UBE2QL1: variants seen among roughly 807,000 people sequenced by gnomAD.
UBE2QL1 encodes the protein ubiquitin-conjugating enzyme E2Q-like protein 1.
Under a neutral mutation model 12.6 loss-of-function variants are expected in UBE2QL1, and 5 were observed. That is an observed-to-expected ratio of 0.40 (90% CI 0.21 to 0.83). The LOEUF is 0.83. Among genes scored for constraint, UBE2QL1 ranks in the 40% least tolerant of loss-of-function variants. The probability of loss-of-function intolerance (pLI) is 0.37; values close to 1 mark genes in which losing one functional copy is unlikely to be tolerated. For synonymous variants in UBE2QL1, 96 were observed against 94.5 expected (o/e 1.02, Z -0.10); for missense variants, 99 against 222.6 (o/e 0.44, Z 3.53).
At position 6,475,850 on chromosome 5, in the gene UBE2QL1, T is replaced by G. The variant is rs693093; in HGVS notation, c.355-15368T>G. 1.8e-3 allele frequency among the ~76,000 whole-genome samples: 279 copies of G among 152,070 alleles called. 1 individual carries two copies. The highest frequency in any genetic ancestry group is 6.4e-3 in the African/African-American group (267 of 41,406). ...GACCCCGCCCACAAGAGACAAGCCC[T>G]GCCCCTGTGGAGCAAGCTGGAGAAC... On this transcript the variant is annotated intron_variant, in intron 1 of 1. Transcript: ENST00000399816.
At position 6,461,603 on chromosome 5, in the gene UBE2QL1, C is replaced by A. The variant is rs368642145; in HGVS notation, c.354+12356C>A. The stretch of plus-strand genomic sequence containing the variant: ...TATTATCCTTTATGTGGAAATGGAG[C>A]CTGCAATGATATCTAAATCAGTTCC... On this transcript the variant is annotated intron_variant, in intron 1 of 1. Transcript: ENST00000399816. 9.4e-5 allele frequency among the ~76,000 whole-genome samples: 13 copies of A among 138,578 alleles called. No individual in the cohort carries two copies. The East Asian group carries it at 2.4e-3, about 26-fold the overall frequency. The allele number at this position is 138,578 out of a possible 152,430, so 90.9% of individuals were successfully genotyped here. A position where few individuals can be genotyped will look rare whatever the true frequency, so the allele number is the denominator to read the frequency against.
intron 1 of UBE2QL1, among the ~76,000 whole-genome samples, chr5:6,488,789 G>A: frequency 7.0e-6 from 1 of 142,962 alleles, no homozygotes. Flanking sequence ...GGATGACAGA[G>A]TGAGACTCTG....
intron 1 of UBE2QL1, among the ~76,000 whole-genome samples, chr5:6,490,352 A>G (rs1454237293): frequency 6.6e-6 from 1 of 152,210 alleles, no homozygotes; most frequent in East Asian, 1.9e-4. Flanking sequence ...TCACATGGGC[A>G]GTGTTGCCTG....
chr5:6,455,861 C>G (rs868320646), intron 1 of UBE2QL1, among the ~76,000 whole-genome samples: 2 of 152,304 alleles, frequency 1.3e-5, no homozygotes, highest in South Asian at 4.2e-4. Context: ...TAGGTCAACC[C>G]TGACTCAGCG....
intron 1 of UBE2QL1, among the ~76,000 whole-genome samples, chr5:6,485,831 T>C (rs934174792): frequency 6.6e-6 from 1 of 152,230 alleles, no homozygotes; most frequent in Admixed American, 6.5e-5. Context: ...CAAGTAAGTA[T>C]AGAATTAATG....
chr5:6,484,241 G>A (rs6876009), intron 1 of UBE2QL1, among the ~76,000 whole-genome samples: 14,688 of 152,190 alleles, frequency 0.097, 860 homozygotes, highest in African/African-American at 0.16. Context: ...GCGTCGGAGG[G>A]GCAGCGAGCA....
rs577806257 is a variant in UBE2QL1, at chr5:6,493,171, C to T, written c.*1822C>T. On this transcript the variant is annotated 3_prime_UTR_variant, in exon 2 of 2. Transcript: ENST00000399816. ...GTGAAACTTGATGACAGTGAACTTA[C>T]GATGTTCATTCATCCAACCCTCTAT... The T allele has an allele frequency of 6.6e-6, 1 of 152,174 alleles. No individual in the cohort carries two copies. 9.4% of individuals were successfully genotyped at this position (152,174 alleles called of 1,614,324 possible). A position where few individuals can be genotyped will look rare whatever the true frequency, so the allele number is the denominator to read the frequency against.
chr5:6,480,455 T>C (rs957749968), intron 1 of UBE2QL1, among the ~76,000 whole-genome samples: 1 of 152,208 alleles, frequency 6.6e-6, no homozygotes, highest in African/African-American at 2.4e-5. Flanking sequence ...TATCTGTCAC[T>C]TACCTGTCTT....
intron 1 of UBE2QL1, among the ~76,000 whole-genome samples, chr5:6,488,786 A>G (rs1734512292): frequency 6.8e-6 from 1 of 147,834 alleles, no homozygotes; most frequent in Non-Finnish European, 1.5e-5. Flanking sequence ...GATGGATGAC[A>G]GAGTGAGACT....
At chr5:6,480,255 T>C (rs1405596456) in intron 1 of UBE2QL1, among the ~76,000 whole-genome samples, 2 of 152,214 alleles carry the variant, frequency 1.3e-5, no homozygotes, top group Non-Finnish European at 2.9e-5. Context: ...GCTGAGTGAC[T>C]CCAAGCACCT....
chr5:6,481,521 G>A lies in UBE2QL1; in HGVS notation c.355-9697G>A, dbSNP rs1321759716. Among the ~76,000 whole-genome samples, 1 of 152,194 alleles carries A rather than the reference G, an allele frequency of 6.6e-6. No individual in the cohort carries two copies. Reference sequence around the variant, plus strand: ...AGAACCACATCATTTAGGTTCCCTGGTGTGAGCTCCCACCACTATACCCAG... The same window carrying A: ...AGAACCACATCATTTAGGTTCCCTGATGTGAGCTCCCACCACTATACCCAG... On this transcript the variant is annotated intron_variant, in intron 1 of 1. Transcript: ENST00000399816. This position sits in a 1 kb window ranked among gnomAD's most constrained non-coding sequence, Gnocchi z 4.5.
At position 6,449,079 on chromosome 5, in the gene UBE2QL1, C is replaced by G; in HGVS notation, c.186C>G (p.Phe62Leu). 1.3e-6 allele frequency: 2 copies of G among 1,548,320 alleles called. No homozygotes were observed. The highest frequency in any genetic ancestry group is 1.7e-6 in the Non-Finnish European group (2 of 1,145,536). The change falls in exon 1 of 2, where the codon TTC (phenylalanine) becomes TTG (leucine). Residue 62 changes from phenylalanine (F) to leucine (L), a missense_variant. Coordinates refer to ENST00000399816, the MANE Select transcript of UBE2QL1 (RefSeq NM_001145161.3). ...ILLNLTFPDN[F>L]PFSPPFMRVL... is the part of the protein sequence containing the mutation. ...TCAACCTCACCTTCCCCGACAACTT[C>G]CCCTTCTCGCCGCCCTTCATGCGGG...
intron 1 of UBE2QL1, among the ~76,000 whole-genome samples, chr5:6,469,587 TAC>T (rs961602484): frequency 1.3e-5 from 2 of 148,664 alleles, no homozygotes; most frequent in African/African-American, 2.5e-5. Context: ...TGTATATATA[TAC>T]ACACACACAC....
At chr5:6,455,117 C>A (rs903175600) in intron 1 of UBE2QL1, among the ~76,000 whole-genome samples, 1 of 152,114 alleles carries the variant, frequency 6.6e-6, no homozygotes, top group Non-Finnish European at 1.5e-5. Context: ...TTTTTGTATA[C>A]TTTTCTGATT....
rs1383664081 is a variant in UBE2QL1 at position 6,493,791 on chromosome 5, C to T, written c.*2442C>T. The T allele has an allele frequency of 1.3e-5, 2 of 152,340 alleles. No individual in the cohort carries two copies. The highest frequency in any genetic ancestry group is 4.8e-5 in the African/African-American group (2 of 41,556). The allele number at this position is 152,340 out of a possible 1,614,324, so 9.4% of individuals were successfully genotyped here. On this transcript the variant is annotated 3_prime_UTR_variant, in exon 2 of 2. Transcript: ENST00000399816. ...CTTTCTGGTAGACTCCCTTCGTAGG[C>T]AAGCACGGTGGTGCCCAGCCATGGA... is the stretch of plus-strand genomic sequence containing the variant.
chr5:6,452,807 G>A (rs564616788), intron 1 of UBE2QL1, among the ~76,000 whole-genome samples: 10 of 152,300 alleles, frequency 6.6e-5, no homozygotes, highest in African/African-American at 1.4e-4. Flanking sequence ...GGCTTGGAGC[G>A]TGGGACGATG....
chr5:6,453,547 TG>T (rs1396882392), intron 1 of UBE2QL1, among the ~76,000 whole-genome samples: 1 of 152,242 alleles, frequency 6.6e-6, no homozygotes, highest in Non-Finnish European at 1.5e-5. Flanking sequence ...AGTTTCTGGA[TG>T]TTTTTTAATA....
intron 1 of UBE2QL1, among the ~76,000 whole-genome samples, chr5:6,461,540 A>AACCCCC (rs1553987848): frequency 2.1e-5 from 1 of 46,772 alleles, no homozygotes; most frequent in Non-Finnish European, 4.8e-5. Context: ...TTCAGCACCC[A>AACCCCC]CCACCCCCCC....
intron 1 of UBE2QL1, among the ~76,000 whole-genome samples, chr5:6,472,929 C>T (rs916489683): frequency 5.3e-5 from 8 of 152,210 alleles, no homozygotes; most frequent in Non-Finnish European, 1.2e-4. Flanking sequence ...GAGCCCTTCT[C>T]CATGTGAGCT....
Sources: allele counts gnomAD v4.1 joint callset (sites outside exome capture counted in the v4.1 genomes callset), GRCh38; gene constraint gnomAD v4.1.1; non-coding constraint Gnocchi (gnomAD v3.1); transcripts MANE v1.5; gene names NCBI Gene and HGNC (gene_info 2026-07-23, HGNC 2026-07-21).